Variants in CRYBG1 observed in about 807,000 individuals in gnomAD.
CRYBG1 encodes the protein crystallin beta-gamma domain containing 1.
A neutral mutation model predicts 189.2 loss-of-function variants in CRYBG1; 139 were observed. That is an observed-to-expected ratio of 0.73 (90% CI 0.64 to 0.85). The LOEUF (loss-of-function observed/expected upper bound fraction) is 0.85. Ranked by LOEUF, CRYBG1 falls within the 40% of genes least tolerant of loss-of-function variation. CRYBG1 has a pLI of 0.00. For missense variants in CRYBG1, 2,611 were observed against 2,675.8 expected (o/e 0.98, Z 0.53); for synonymous variants, 1,023 against 1,017.1 (o/e 1.01, Z -0.11).
chr6:106,429,504 CA>C (rs796786347), intron 1 of CRYBG1, among the ~76,000 whole-genome samples: 9 of 152,294 alleles, frequency 5.9e-5, no homozygotes, highest in African/African-American at 2.2e-4. Context: ...TACTTTAAGT[CA>C]CTTACTCTAG....
intron 1 of CRYBG1, among the ~76,000 whole-genome samples, chr6:106,362,692 C>T (rs981456267): frequency 2.0e-5 from 3 of 152,196 alleles, no homozygotes; most frequent in Non-Finnish European, 2.9e-5. Context: ...TTATCATCCA[C>T]ATTGGTAATC....
chr6:106,517,721 A>G (rs1382015090), intron 3 of CRYBG1, among the ~76,000 whole-genome samples: 2 of 151,854 alleles, frequency 1.3e-5, no homozygotes, highest in Admixed American at 6.6e-5. Context: ...ACTCTGTTCT[A>G]AACCATCTCA....
chr6:106,565,263 C>T (rs1263583870), intron 21 of CRYBG1, among the ~76,000 whole-genome samples: 5 of 151,370 alleles, frequency 3.3e-5, no homozygotes. Flanking sequence ...GGACGTTGCA[C>T]TGAGCCGAGA....
chr6:106,543,572 G>A lies in CRYBG1; in HGVS notation c.5014G>A (p.Gly1672Arg), dbSNP rs775088200. The A allele has an allele frequency of 2.5e-6, 4 of 1,613,992 alleles. No individual in the cohort carries two copies. The highest frequency in any genetic ancestry group is 3.4e-6 in the Non-Finnish European group (4 of 1,179,916). Residue 1672 changes from glycine (G) to arginine (R), a missense_variant, in exon 11 of 22, where the codon GGG becomes AGG. This residue lies in a region of CRYBG1 where 1,622 missense variants were observed against 1,735.0 expected (regional missense o/e 0.93). Transcript: ENST00000633556. ...CGATCATTTGCCGTTTACGTCAGTG[G>A]GGTCTATGAAAGTTCTAAGAGGCAT... ...GDDHLPFTSV[G>R]SMKVLRGIWV... is the part of the protein sequence containing the mutation.
intron 1 of CRYBG1, among the ~76,000 whole-genome samples, chr6:106,402,079 C>A (rs1464412161): frequency 9.5e-6 from 1 of 105,528 alleles, no homozygotes; most frequent in Non-Finnish European, 1.9e-5. Context: ...ACCTAGGAAT[C>A]CAACTTACAA....
intron 6 of CRYBG1, 48 bp from the exon 7 acceptor site, chr6:106,527,257 C>T (rs1367283026): frequency 2.6e-6 from 4 of 1,512,634 alleles, no homozygotes; most frequent in Non-Finnish European, 3.6e-6. Context: ...GTAATCAAAA[C>T]CTCTCTCACG....
intron 21 of CRYBG1, among the ~76,000 whole-genome samples, chr6:106,564,918 A>T (rs1337596845): frequency 6.6e-6 from 1 of 152,170 alleles, no homozygotes; most frequent in Non-Finnish European, 1.5e-5. Flanking sequence ...TAATTTTTTT[A>T]AATTTTTATG....
intron 2 of CRYBG1, among the ~76,000 whole-genome samples, chr6:106,502,793 C>T (rs150092607): frequency 4.1e-4 from 62 of 151,450 alleles, no homozygotes; most frequent in Middle Eastern, 6.8e-3. Flanking sequence ...AAAGTGTGGG[C>T]GAGGTTTTAA....
intron 1 of CRYBG1, among the ~76,000 whole-genome samples, chr6:106,368,276 TACACACACAC>T (rs139872790): frequency 1.3e-5 from 2 of 149,860 alleles, no homozygotes; most frequent in African/African-American, 4.9e-5. Flanking sequence ...TACACACACA[TACACACACAC>T]ACACACACAT....
At chr6:106,372,346 G>C (rs1459147140) in intron 1 of CRYBG1, among the ~76,000 whole-genome samples, 1 of 151,972 alleles carries the variant, frequency 6.6e-6, no homozygotes. Context: ...TGACTCCCTG[G>C]GCTCAGGTGA....
At chr6:106,524,870 A>C (rs1028010361) in intron 4 of CRYBG1, among the ~76,000 whole-genome samples, 1 of 152,318 alleles carries the variant, frequency 6.6e-6, no homozygotes, top group East Asian at 1.9e-4. Context: ...TGTGCCCTGA[A>C]TTTTCTAGCA....
intron 17 of CRYBG1, 98 bp downstream of exon 17, chr6:106,555,995 T>C (rs951072156): frequency 6.1e-5 from 82 of 1,354,038 alleles, no homozygotes; most frequent in Non-Finnish European, 1.4e-5. Context: ...CTCTTAAAGT[T>C]AGTTAAGGGC....
chr6:106,483,407 A>AG (rs1582788792), intron 2 of CRYBG1, among the ~76,000 whole-genome samples: 2 of 133,588 alleles, frequency 1.5e-5, no homozygotes, highest in East Asian at 2.8e-4. Context: ...TATATAAAAC[A>AG]TTTTCTTTAT....
At chr6:106,508,936 A>T (rs783405) in intron 2 of CRYBG1, among the ~76,000 whole-genome samples, 104,054 of 149,406 alleles carry the variant, frequency 0.7, 36,552 homozygotes, top group Non-Finnish European at 0.73. Context: ...AAAAAAAAAA[A>T]TTGTTTTAAT....
chr6:106,545,328 C>A (rs530965030), intron 13 of CRYBG1, among the ~76,000 whole-genome samples: 1 of 152,304 alleles, frequency 6.6e-6, no homozygotes, highest in Admixed American at 6.5e-5. Context: ...CAGTATATTT[C>A]TTCACTATTA....
At chr6:106,494,167 A>C (rs1772788941) in intron 2 of CRYBG1, among the ~76,000 whole-genome samples, 1 of 152,146 alleles carries the variant, frequency 6.6e-6, no homozygotes, top group Non-Finnish European at 1.5e-5. Context: ...CGAGATACCT[A>C]AAGTAGTCAA....
chr6:106,459,464 G>A (rs543951693), intron 2 of CRYBG1, among the ~76,000 whole-genome samples: 1 of 151,326 alleles, frequency 6.6e-6, no homozygotes, highest in East Asian at 1.9e-4. Flanking sequence ...CTCACCCTGA[G>A]AGGTAACTAT....
At chr6:106,453,778 T>A (rs1252136910) in intron 2 of CRYBG1, among the ~76,000 whole-genome samples, 1 of 152,170 alleles carries the variant, frequency 6.6e-6, no homozygotes, top group Non-Finnish European at 1.5e-5. Flanking sequence ...CTCTGGGCAT[T>A]GGGCTGCCCA....
At chr6:106,399,512 G>A (rs75710745) in intron 1 of CRYBG1, among the ~76,000 whole-genome samples, 2,164 of 152,232 alleles carry the variant, frequency 0.014, 47 homozygotes, top group African/African-American at 0.049. Flanking sequence ...TTCTGGATGC[G>A]TGACATAGGT....
Sources: gnomAD v4.1 joint callset for allele counts (sites outside exome capture counted in the v4.1 genomes callset) on GRCh38, gnomAD v4.1.1 for gene constraint, gnomAD v4.1.1 regional missense constraint, MANE v1.5 for transcripts, NCBI Gene and HGNC (gene_info 2026-07-23, HGNC 2026-07-21) for gene names.